MYRIP: variants seen among roughly 807,000 people sequenced by gnomAD.
MYRIP encodes myosin VIIA and Rab interacting protein.
In MYRIP, 49 loss-of-function variants were observed where a neutral mutation model predicts 98.0. That is an observed-to-expected ratio of 0.50 (90% CI 0.40 to 0.63). The LOEUF (loss-of-function observed/expected upper bound fraction) is 0.63. Among genes scored for constraint, MYRIP ranks in the 30% least tolerant of loss-of-function variants. The pLI, the probability that MYRIP is intolerant of heterozygous loss-of-function variation, is 0.00. For missense variants in MYRIP, 1,004 were observed against 1,058.2 expected (o/e 0.95, Z 0.71); for synonymous variants, 404 against 409.5 (o/e 0.99, Z 0.16).
intron 1 of MYRIP, among the ~76,000 whole-genome samples, chr3:39,840,353 GC>G (rs1941765164): frequency 6.6e-6 from 1 of 151,890 alleles, no homozygotes; most frequent in South Asian, 2.1e-4. Flanking sequence ...TTTATTTTGA[GC>G]CTGTGTGTGT....
At chr3:39,851,445 C>G (rs1224494967) in intron 1 of MYRIP, among the ~76,000 whole-genome samples, 1 of 151,914 alleles carries the variant, frequency 6.6e-6, no homozygotes, top group Non-Finnish European at 1.5e-5. Context: ...CTCCCACACT[C>G]CTGCTAATTC....
intron 1 of MYRIP, among the ~76,000 whole-genome samples, chr3:39,876,793 C>T (rs552852644): frequency 6.6e-6 from 1 of 152,088 alleles, no homozygotes; most frequent in Non-Finnish European, 1.5e-5. Flanking sequence ...TTCATTTCAA[C>T]TTTGGTGAAT....
At position 40,192,319 on chromosome 3, in the gene MYRIP, T is replaced by TGACATATATATATATATATATAC. The variant is rs111696896; in HGVS notation, c.1665+1856_1665+1857insGACATATATATATATATATATAC. On this transcript the variant is annotated intron_variant, in intron 10 of 16. Transcript: ENST00000302541. ...GCAGTTAGTTTTCTTCATATATATATATATATGTCATATATATATATGTCA... is the reference window on the plus strand; with the variant it reads ...GCAGTTAGTTTTCTTCATATATATATGACATATATATATATATATATACATATATGTCATATATATATATGTCA... Among the ~76,000 whole-genome samples, 101 of 21,730 alleles carry TGACATATATATATATATATATAC rather than the reference T, an allele frequency of 4.6e-3. 12 individuals are homozygous for TGACATATATATATATATATATAC. Among genetic ancestry groups the TGACATATATATATATATATATAC allele is most frequent in the Non-Finnish European group, 0.013 (73 of 5,686 alleles). 14.3% of individuals were successfully genotyped at this position (21,730 alleles called of 152,430 possible).
intron 3 of MYRIP, among the ~76,000 whole-genome samples, chr3:40,074,275 C>A (rs147955540): frequency 1.3e-5 from 2 of 151,944 alleles, no homozygotes; most frequent in African/African-American, 2.4e-5. Flanking sequence ...AGGGTTTCAC[C>A]GTGTTAGCCA....
intron 3 of MYRIP, among the ~76,000 whole-genome samples, chr3:40,088,965 C>G (rs1559395912): frequency 1.3e-5 from 2 of 149,290 alleles, no homozygotes; most frequent in Admixed American, 1.3e-4. Context: ...TGGTAAGACA[C>G]AGAGAGAGAG....
intron 11 of MYRIP, among the ~76,000 whole-genome samples, 164 bp from the exon 12 acceptor site, chr3:40,233,695 G>T (rs1331348486): frequency 6.6e-6 from 1 of 152,098 alleles, no homozygotes; most frequent in Non-Finnish European, 1.5e-5. Context: ...GTTCTCTTCT[G>T]CTGTGTCTAG....
At chr3:40,028,165 C>T (rs560933377) in intron 2 of MYRIP, among the ~76,000 whole-genome samples, 2 of 152,054 alleles carry the variant, frequency 1.3e-5, no homozygotes, top group Non-Finnish European at 2.9e-5. Context: ...AATGCTTTAC[C>T]CTCTAACAAC....
intron 3 of MYRIP, among the ~76,000 whole-genome samples, chr3:40,091,287 T>C (rs1453340312): frequency 5.1e-5 from 7 of 136,158 alleles, no homozygotes; most frequent in Admixed American, 1.5e-4. Context: ...GCCAGATGCT[T>C]CACCTTAGTA....
intron 3 of MYRIP, among the ~76,000 whole-genome samples, chr3:40,101,233 C>T (rs925979881): frequency 2.6e-5 from 4 of 152,164 alleles, no homozygotes; most frequent in African/African-American, 7.2e-5. Context: ...GTCTTTGTTA[C>T]ATCAGTTTTC....
intron 1 of MYRIP, among the ~76,000 whole-genome samples, chr3:39,832,037 T>C (rs1344619701): frequency 6.6e-6 from 1 of 152,224 alleles, no homozygotes; most frequent in Non-Finnish European, 1.5e-5. Flanking sequence ...TGGGAAATGT[T>C]GGAATGTAGA....
chr3:39,977,401 T>C (rs944853923), intron 2 of MYRIP, among the ~76,000 whole-genome samples: 1 of 152,172 alleles, frequency 6.6e-6, no homozygotes, highest in East Asian at 1.9e-4. Context: ...TGCCCCCCAG[T>C]TGACGATGGA....
At chr3:40,085,055 C>G (rs1948595543) in intron 3 of MYRIP, among the ~76,000 whole-genome samples, 1 of 149,646 alleles carries the variant, frequency 6.7e-6, no homozygotes, top group Admixed American at 6.7e-5. Context: ...AGATATATAT[C>G]TATGTGTTAT....
intron 1 of MYRIP, among the ~76,000 whole-genome samples, chr3:39,898,718 A>T (rs1215380882): frequency 2.0e-5 from 3 of 152,156 alleles, no homozygotes; most frequent in Non-Finnish European, 4.4e-5. Flanking sequence ...ATGGGAATGT[A>T]TAAATTTACA....
intron 11 of MYRIP, among the ~76,000 whole-genome samples, chr3:40,229,189 G>A (rs6779997): frequency 0.049 from 7,505 of 152,186 alleles, 572 homozygotes; most frequent in African/African-American, 0.17. Flanking sequence ...CATTCTCCAT[G>A]TCTTTGAAAA....
intron 3 of MYRIP, among the ~76,000 whole-genome samples, chr3:40,085,554 G>A (rs1015954023): frequency 1.1e-4 from 17 of 152,212 alleles, no homozygotes; most frequent in Admixed American, 9.8e-4. Context: ...AAAGTGCTGG[G>A]ATTACAGGCA....
intron 3 of MYRIP, among the ~76,000 whole-genome samples, chr3:40,067,595 G>T (rs1275590328): frequency 6.6e-6 from 1 of 152,080 alleles, no homozygotes; most frequent in Non-Finnish European, 1.5e-5. Flanking sequence ...GGAGGGTGAG[G>T]ATCTCCTGAG....
intron 1 of MYRIP, among the ~76,000 whole-genome samples, chr3:39,847,135 A>C (rs747800887): frequency 6.6e-6 from 1 of 152,212 alleles, no homozygotes; most frequent in Non-Finnish European, 1.5e-5. Flanking sequence ...CTTGGCAACC[A>C]TATGCATCTC....
intron 1 of MYRIP, among the ~76,000 whole-genome samples, chr3:39,870,577 A>C (rs928802013): frequency 1.6e-4 from 25 of 152,164 alleles, no homozygotes; most frequent in Admixed American, 1.6e-3. Flanking sequence ...ATTTCTCTAA[A>C]AGGGCATTTT....
chr3:39,908,435 C>G lies in MYRIP; in HGVS notation c.110+7509C>G, dbSNP rs929331224. ...CCTCCAGGGGTAATCTTCCACCCCCCCCATTGCTCAGGTCTAAGTGTTCTG... is the reference window on the plus strand; with the variant it reads ...CCTCCAGGGGTAATCTTCCACCCCCGCCATTGCTCAGGTCTAAGTGTTCTG... On this transcript the variant is annotated intron_variant, in intron 2 of 16. Transcript: ENST00000302541. Among the ~76,000 whole-genome samples, 8 of 152,238 alleles carry G rather than the reference C, an allele frequency of 5.3e-5. No homozygotes were observed. In the East Asian group the frequency reaches 5.8e-4, roughly 11 times the overall value.
Sources: gnomAD v4.1 joint callset for allele counts (sites outside exome capture counted in the v4.1 genomes callset) on GRCh38, gnomAD v4.1.1 for gene constraint, MANE v1.5 for transcripts, NCBI Gene and HGNC (gene_info 2026-07-23, HGNC 2026-07-21) for gene names.